The following PCDHA10 variants were observed in gnomAD, a reference collection of about 807,000 sequenced individuals.
PCDHA10 encodes protocadherin alpha 10.
A neutral mutation model predicts 61.2 loss-of-function variants in PCDHA10; 45 were observed. That is an observed-to-expected ratio of 0.74 (90% confidence interval 0.58 to 0.94). PCDHA10 has a LOEUF of 0.94. Among genes scored for constraint, PCDHA10 ranks in the 40% least tolerant of loss-of-function variants. The pLI, the probability that PCDHA10 is intolerant of heterozygous loss-of-function variation, is 0.00. For missense variants in PCDHA10, 1,278 were observed against 1,236.2 expected, an observed-to-expected ratio of 1.03 and a Z score of -0.51; for synonymous variants, 602 against 548.8, an observed-to-expected ratio of 1.10 and a Z score of -1.35.
At chr5:140,924,898 AAAAAAAAT>A (rs781900915) in intron 1 of PCDHA10, among the ~76,000 whole-genome samples, 16 of 53,028 alleles carry the variant, frequency 3.0e-4, no homozygotes, top group Non-Finnish European at 6.0e-4. Context: ...CTGTCTCAAA[AAAAAAAAT>A]AAAATAAAAT....
chr5:140,927,459 A>G (rs2084222098), intron 1 of PCDHA10: 1 of 1,614,018 alleles, frequency 6.2e-7, no homozygotes, highest in Non-Finnish European at 8.5e-7. Flanking sequence ...TGTTGGAGAA[A>G]GCACTGGATC....
chr5:140,884,489 T>G, intron 1 of PCDHA10: 1 of 1,613,936 alleles, frequency 6.2e-7, no homozygotes, highest in East Asian at 2.2e-5. Flanking sequence ...CACTCTAGTG[T>G]GCTCCAGCGC....
At chr5:141,001,957 G>A in intron 3 of PCDHA10, among the ~76,000 whole-genome samples, 1 of 152,294 alleles carries the variant, frequency 6.6e-6, no homozygotes, top group African/African-American at 2.4e-5. Flanking sequence ...AGGAGGGAGA[G>A]GCGGGGTGTC....
At chr5:140,869,920 G>GTC in intron 1 of PCDHA10, 1 of 1,611,398 alleles carries the variant, frequency 6.2e-7, no homozygotes, top group Non-Finnish European at 8.5e-7. Context: ...AGACGAAGGA[G>GTC]TCAATGGAGA....
intron 1 of PCDHA10, chr5:140,877,297 T>C (rs782559386): frequency 6.2e-7 from 1 of 1,613,924 alleles, no homozygotes; most frequent in East Asian, 2.2e-5. Context: ...TTGGCTGTCC[T>C]ACGAGTTGCA....
Position 140,929,423 on chromosome 5 carries a change from C to T in PCDHA10, c.2389-49526C>T, listed in dbSNP as rs1435902323. 4.7e-6 allele frequency: 7 copies of T among 1,499,372 alleles called. No homozygotes were observed. In the Admixed American group the frequency reaches 7.1e-5, roughly 15 times the overall value. The allele number at this position is 1,499,372 out of a possible 1,614,324, so 92.9% of individuals were successfully genotyped here. A position where few individuals can be genotyped will look rare whatever the true frequency, so the allele number is the denominator to read the frequency against. The stretch of plus-strand genomic sequence containing the variant: ...AGACAAGCCTTTCACAACATTTCAT[C>T]AATTGAACTAAACACTCCTTCTTAG... On this transcript the variant is annotated intron_variant, in intron 1 of 3. Transcript: ENST00000307360.
intron 1 of PCDHA10, among the ~76,000 whole-genome samples, chr5:140,940,668 C>T (rs1475667382): frequency 3.3e-5 from 5 of 152,166 alleles, no homozygotes; most frequent in African/African-American, 1.2e-4. Flanking sequence ...AAATCTTCAT[C>T]TGATAATTCC....
At chr5:140,872,054 C>T (rs970445290) in intron 1 of PCDHA10, among the ~76,000 whole-genome samples, 2 of 152,238 alleles carry the variant, frequency 1.3e-5, no homozygotes, top group East Asian at 3.8e-4. Flanking sequence ...CCCACTTCAG[C>T]CTCCAGAGTA....
chr5:140,991,642 A>T (rs2097463636), intron 3 of PCDHA10, among the ~76,000 whole-genome samples: 2 of 152,160 alleles, frequency 1.3e-5, no homozygotes, highest in South Asian at 4.1e-4. Flanking sequence ...CAATCTGTTC[A>T]TGACAATTTA....
intron 3 of PCDHA10, among the ~76,000 whole-genome samples, chr5:140,987,146 G>A (rs942853645): frequency 1.3e-5 from 2 of 151,812 alleles, no homozygotes; most frequent in Non-Finnish European, 2.9e-5. Flanking sequence ...CTCGGGAGGT[G>A]GAGGTTGCAG....
At chr5:141,006,528 T>A (rs1161709459) in intron 3 of PCDHA10, among the ~76,000 whole-genome samples, 1 of 152,092 alleles carries the variant, frequency 6.6e-6, no homozygotes, top group African/African-American at 2.4e-5. Context: ...ACATCAGTTT[T>A]TAAAGAGAGA....
At chr5:140,870,181 G>C in intron 1 of PCDHA10, 1 of 1,614,160 alleles carries the variant, frequency 6.2e-7, no homozygotes, top group Non-Finnish European at 8.5e-7. Context: ...CCCAGTACGA[G>C]AGGACGCTCA....
At chr5:140,967,547 A>T in intron 1 of PCDHA10, 1 of 1,613,890 alleles carries the variant, frequency 6.2e-7, no homozygotes, top group Non-Finnish European at 8.5e-7. Flanking sequence ...TGACCAGTCC[A>T]CTTATCGCGT....
chr5:140,972,905 A>C (rs1188926107), intron 1 of PCDHA10, among the ~76,000 whole-genome samples: 18 of 151,782 alleles, frequency 1.2e-4, no homozygotes, highest in African/African-American at 4.4e-4. Flanking sequence ...CTTGTGATCC[A>C]CCCGCCTTGG....
At chr5:140,910,856 C>T (rs548609862) in intron 1 of PCDHA10, among the ~76,000 whole-genome samples, 15 of 152,300 alleles carry the variant, frequency 9.8e-5, no homozygotes, top group Non-Finnish European at 2.2e-4. Flanking sequence ...ATCTATGTTC[C>T]ATCCACCATT....
intron 1 of PCDHA10, chr5:140,858,792 T>C (rs1554152021): frequency 2.6e-6 from 1 of 385,722 alleles, no homozygotes; most frequent in Admixed American, 4.5e-5. Context: ...GTTATTTCAT[T>C]TCCAATCTAA....
At chr5:140,862,664 C>A in intron 1 of PCDHA10, 1 of 547,450 alleles carries the variant, frequency 1.8e-6, no homozygotes, top group Non-Finnish European at 3.7e-6. Flanking sequence ...GACCGGGACG[C>A]GCAGGAGAAC....
intron 1 of PCDHA10, among the ~76,000 whole-genome samples, chr5:140,903,212 A>G (rs1387552422): frequency 6.6e-6 from 1 of 152,192 alleles, no homozygotes; most frequent in African/African-American, 2.4e-5. Context: ...CACCACATTC[A>G]TGCCAACATC....
intron 1 of PCDHA10, chr5:140,871,319 T>C (rs782385310): frequency 6.2e-7 from 1 of 1,614,040 alleles, no homozygotes; most frequent in Admixed American, 1.7e-5. Flanking sequence ...CCCACGCTGG[T>C]GTGCTCCCGC....
Sources: allele counts gnomAD v4.1 joint callset (sites outside exome capture counted in the v4.1 genomes callset), GRCh38; gene constraint gnomAD v4.1.1; transcripts MANE v1.5; gene names NCBI Gene and HGNC (gene_info 2026-07-23, HGNC 2026-07-21).